OR56A3: variants seen among roughly 807,000 people sequenced by gnomAD.
The protein encoded by OR56A3 is olfactory receptor 56A3.
Under a neutral mutation model 17.5 loss-of-function variants are expected in OR56A3, and 23 were observed. That is an observed-to-expected ratio of 1.32 (90% CI 0.95 to 1.87). OR56A3 has a LOEUF of 1.87. Ranked by LOEUF, OR56A3 falls within the 40% of genes most tolerant of loss-of-function variation. The probability of loss-of-function intolerance (pLI) is 0.00; values close to 1 mark genes in which losing one functional copy is unlikely to be tolerated. For synonymous variants in OR56A3, 175 were observed against 150.6 expected (o/e 1.16, Z -1.19); for missense variants, 366 against 380.1 (o/e 0.96, Z 0.31).
chr11:5,972,300 G>A, the OR56A3 span, among the ~76,000 whole-genome samples: 1 of 152,142 alleles, frequency 6.6e-6, no homozygotes, highest in Non-Finnish European at 1.5e-5. Flanking sequence ...CAGGAAACTA[G>A]GATTCCTAAA....
chr11:5,964,561 G>T, the OR56A3 span, among the ~76,000 whole-genome samples: 5 of 152,140 alleles, frequency 3.3e-5, no homozygotes, highest in African/African-American at 1.2e-4. Context: ...GAATTCAGTG[G>T]TCCCTTCTGA....
the OR56A3 span, chr11:6,003,191 A>G: frequency 7.9e-7 from 1 of 1,262,280 alleles, no homozygotes; most frequent in Non-Finnish European, 1.1e-6. Context: ...TGCCAGCCAC[A>G]ATGTTTTATA....
the OR56A3 span, among the ~76,000 whole-genome samples, chr11:5,987,643 C>T: frequency 6.6e-6 from 1 of 152,120 alleles, no homozygotes; most frequent in African/African-American, 2.4e-5. Flanking sequence ...AATTACATCC[C>T]TAGCTACCTA....
chr11:5,991,687 A>G, the OR56A3 span, among the ~76,000 whole-genome samples: 2 of 152,134 alleles, frequency 1.3e-5, no homozygotes, highest in Non-Finnish European at 2.9e-5. Context: ...TCTTCCCCCA[A>G]CTGTAAACCC....
At chr11:5,947,199 C>A (rs191022034) in intron 2 of OR56A3, 112 bp from the exon 3 acceptor site, 2 of 678,398 alleles carry the variant, frequency 2.9e-6, no homozygotes, top group Admixed American at 5.9e-5. Context: ...CAGATGAATT[C>A]GCTTGGCTCT....
At chr11:5,971,660 A>T in the OR56A3 span, among the ~76,000 whole-genome samples, 1 of 152,226 alleles carries the variant, frequency 6.6e-6, no homozygotes, top group Non-Finnish European at 1.5e-5. Context: ...CATAAATATG[A>T]ATCAAACTTT....
the OR56A3 span, among the ~76,000 whole-genome samples, chr11:5,970,335 T>C: frequency 4.6e-4 from 70 of 152,130 alleles, no homozygotes; most frequent in African/African-American, 1.7e-3. Context: ...GAAAATCAAA[T>C]GGAGTGGACA....
At chr11:5,988,464 C>T in the OR56A3 span, among the ~76,000 whole-genome samples, 2 of 152,108 alleles carry the variant, frequency 1.3e-5, no homozygotes, top group South Asian at 4.1e-4. Context: ...AAAACCTTGG[C>T]AGGATACTAA....
chr11:5,971,322 T>C, the OR56A3 span, among the ~76,000 whole-genome samples: 4 of 152,220 alleles, frequency 2.6e-5, no homozygotes, highest in Non-Finnish European at 5.9e-5. Flanking sequence ...TAAAATATTC[T>C]CATTTCTCAC....
chr11:6,018,936 A>T, the OR56A3 span, among the ~76,000 whole-genome samples: 1 of 152,056 alleles, frequency 6.6e-6, no homozygotes. Flanking sequence ...GAAATGGACA[A>T]ATTCCTGGAC....
chr11:5,968,600 A>C, the OR56A3 span: 1 of 877,048 alleles, frequency 1.1e-6, no homozygotes, highest in Non-Finnish European at 1.7e-6. Context: ...AACATTTTCT[A>C]ATTTATAAAA....
Position 5,947,967 on chromosome 11 carries a change from C to G in OR56A3, c.621C>G (p.Gly207=). 6.2e-7 allele frequency: 1 copy of G among 1,614,198 alleles called. No individual in the cohort carries two copies. Among genetic ancestry groups the G allele is most frequent in the Non-Finnish European group, 8.5e-7 (1 of 1,180,030 alleles). Residue 207 remains glycine (G), a synonymous_variant, in exon 3 of 3, where the codon GGC becomes GGG. Coordinates refer to ENST00000641160, the MANE Select transcript of OR56A3 (RefSeq NM_001003443.3). ...ATCACCTTTACCAATTTGCTGGAGG[C>G]TGGACTCTGCTAGGATCTGACCTCA... The part of the protein sequence containing the change: ...TINHLYQFAG[G]WTLLGSDLIL...
At chr11:5,964,834 A>G in the OR56A3 span, among the ~76,000 whole-genome samples, 2 of 152,148 alleles carry the variant, frequency 1.3e-5, no homozygotes, top group Non-Finnish European at 2.9e-5. Flanking sequence ...GCAAAGTCCA[A>G]TGCTTACTTA....
intron 1 of OR56A3, among the ~76,000 whole-genome samples, chr11:5,944,305 G>A (rs1291074719): frequency 1.3e-5 from 2 of 152,128 alleles, no homozygotes; most frequent in African/African-American, 4.8e-5. Context: ...GTCAAAACCA[G>A]GAATACAATA....
At chr11:5,984,353 A>C in the OR56A3 span, among the ~76,000 whole-genome samples, 3,329 of 152,316 alleles carry the variant, frequency 0.022, 49 homozygotes, top group South Asian at 0.04. Flanking sequence ...ATTACCAAAA[A>C]AATGGTGGTT....
chr11:5,975,397 C>T, the OR56A3 span, among the ~76,000 whole-genome samples: 2 of 138,384 alleles, frequency 1.4e-5, no homozygotes, highest in Non-Finnish European at 3.1e-5. Context: ...GTGATGTTCC[C>T]CTTCCTGTGT....
At chr11:5,997,440 G>A in the OR56A3 span, among the ~76,000 whole-genome samples, 1 of 152,164 alleles carries the variant, frequency 6.6e-6, no homozygotes, top group Non-Finnish European at 1.5e-5. Context: ...CCCCCTCTGA[G>A]GTTCCAGAAG....
At chr11:6,021,527 T>C in the OR56A3 span, 1 of 152,030 alleles carries the variant, frequency 6.6e-6, no homozygotes, top group South Asian at 2.1e-4. Flanking sequence ...AATTTTAAAA[T>C]GAATAATTAA....
At position 5,951,039 on chromosome 11, in the gene OR56A3, A is replaced by T. The variant is rs1296618550; in HGVS notation, c.*2745A>T. 6.6e-6 allele frequency: 1 copy of T among 152,130 alleles called. No homozygotes were observed. Among genetic ancestry groups the T allele is most frequent in the Non-Finnish European group, 1.5e-5 (1 of 67,986 alleles). 9.4% of individuals were successfully genotyped at this position (152,130 alleles called of 1,614,324 possible). On this transcript the variant is annotated 3_prime_UTR_variant, in exon 3 of 3. Coordinates refer to ENST00000641160, the MANE Select transcript of OR56A3 (RefSeq NM_001003443.3). ...GGAAGTCAGGGTTTTAGAGGAGAGT[A>T]AAGTTTTTTTTGTTAATGCTGCAAT... is the stretch of plus-strand genomic sequence containing the variant.
Sources: allele counts gnomAD v4.1 joint callset (sites outside exome capture counted in the v4.1 genomes callset), GRCh38; gene constraint gnomAD v4.1.1; transcripts MANE v1.5; gene names NCBI Gene and HGNC (gene_info 2026-07-23, HGNC 2026-07-21).